Variants in SLCO5A1 observed in about 807,000 individuals in gnomAD.
SLCO5A1 encodes organic anion transporter polypeptide-related protein 4.
In SLCO5A1, 39 loss-of-function variants were observed where a neutral mutation model predicts 65.1. The ratio of observed to expected loss-of-function variants is 0.60; its 90% CI spans 0.46 to 0.78. The LOEUF (loss-of-function observed/expected upper bound fraction) is 0.78, where lower values mean the gene tolerates loss of function less well. Among genes scored for constraint, SLCO5A1 ranks in the 30% least tolerant of loss-of-function variants. The pLI is 0.00. For missense variants in SLCO5A1, 1,029 were observed against 1,069.4 expected (o/e 0.96, Z 0.53); for synonymous variants, 438 against 415.7 (o/e 1.05, Z -0.65).
intron 2 of SLCO5A1, among the ~76,000 whole-genome samples, chr8:69,820,515 C>T (rs1225061073): frequency 6.6e-6 from 1 of 152,012 alleles, no homozygotes; most frequent in Non-Finnish European, 1.5e-5. Context: ...TTGCTCTATA[C>T]AACATTGCAG....
chr8:69,708,688 G>A (rs1426419172), intron 5 of SLCO5A1, among the ~76,000 whole-genome samples: 2 of 152,128 alleles, frequency 1.3e-5, no homozygotes, highest in African/African-American at 2.4e-5. Flanking sequence ...CAGATCATTT[G>A]AGGTCAGGAG....
At chr8:69,779,124 A>C (rs559487936) in intron 2 of SLCO5A1, among the ~76,000 whole-genome samples, 38 of 152,330 alleles carry the variant, frequency 2.5e-4, no homozygotes, top group African/African-American at 9.1e-4. Context: ...GACCCTTTAT[A>C]TAAAAAGTTT....
chr8:69,792,809 C>G (rs1428045376), intron 2 of SLCO5A1, among the ~76,000 whole-genome samples: 1 of 151,796 alleles, frequency 6.6e-6, no homozygotes, highest in Non-Finnish European at 1.5e-5. Flanking sequence ...TAGATGAAAG[C>G]TAATGGAAAT....
chr8:69,686,115 T>A (rs1293100023), intron 6 of SLCO5A1, among the ~76,000 whole-genome samples: 1 of 152,080 alleles, frequency 6.6e-6, no homozygotes, highest in Non-Finnish European at 1.5e-5. Flanking sequence ...GTCCCCTAAC[T>A]TTTTTAAGGG....
chr8:69,814,627 CG>C (rs1185563871), intron 2 of SLCO5A1, among the ~76,000 whole-genome samples: 3 of 152,086 alleles, frequency 2.0e-5, no homozygotes, highest in Admixed American at 6.6e-5. Context: ...ATAGAATTAC[CG>C]TATGATCCAG....
intron 6 of SLCO5A1, among the ~76,000 whole-genome samples, chr8:69,691,975 G>A (rs760921379): frequency 1.6e-4 from 25 of 152,160 alleles, no homozygotes; most frequent in African/African-American, 2.9e-4. Context: ...AAGGCCGGAC[G>A]CGGTGGCTCA....
intron 5 of SLCO5A1, among the ~76,000 whole-genome samples, chr8:69,721,467 G>A (rs138134787): frequency 1.5e-4 from 23 of 152,280 alleles, no homozygotes; most frequent in East Asian, 5.8e-4. Context: ...GATTCACCTC[G>A]AATCATTGGC....
At chr8:69,804,369 A>G (rs193117354) in intron 2 of SLCO5A1, among the ~76,000 whole-genome samples, 1 of 152,292 alleles carries the variant, frequency 6.6e-6, no homozygotes, top group East Asian at 1.9e-4. Flanking sequence ...GCTGTAGTAC[A>G]GTGGCACAAT....
intron 2 of SLCO5A1, among the ~76,000 whole-genome samples, chr8:69,823,388 A>G (rs951441791): frequency 1.3e-5 from 2 of 152,244 alleles, no homozygotes; most frequent in African/African-American, 4.8e-5. Flanking sequence ...TCTCACGTGC[A>G]GAGACAGACA....
chr8:69,806,138 C>T (rs1819979580), intron 2 of SLCO5A1, among the ~76,000 whole-genome samples: 3 of 152,174 alleles, frequency 2.0e-5, no homozygotes, highest in Admixed American at 2.0e-4. Flanking sequence ...TTATGATGTT[C>T]ACACATGTGT....
chr8:69,681,460 G>T (rs1019593413), intron 7 of SLCO5A1, among the ~76,000 whole-genome samples: 1 of 152,126 alleles, frequency 6.6e-6, no homozygotes, highest in Non-Finnish European at 1.5e-5. Flanking sequence ...AGGCATGGTG[G>T]CACATGCCTA....
At chr8:69,768,390 A>G (rs1818170058) in intron 2 of SLCO5A1, among the ~76,000 whole-genome samples, 1 of 152,206 alleles carries the variant, frequency 6.6e-6, no homozygotes, top group African/African-American at 2.4e-5. Flanking sequence ...CAGGTTACAC[A>G]TCAAAGGAAT....
chr8:69,678,706 C>A (rs1813644527), intron 8 of SLCO5A1, among the ~76,000 whole-genome samples: 2 of 149,466 alleles, frequency 1.3e-5, no homozygotes, highest in Non-Finnish European at 1.5e-5. Flanking sequence ...ACACCAGTGC[C>A]AACATTTTTA....
chr8:69,798,800 G>A (rs1819611789), intron 2 of SLCO5A1, among the ~76,000 whole-genome samples: 1 of 152,206 alleles, frequency 6.6e-6, no homozygotes, highest in African/African-American at 2.4e-5. Flanking sequence ...AGTTTCCAAA[G>A]AGGAAGCTGA....
intron 6 of SLCO5A1, among the ~76,000 whole-genome samples, chr8:69,683,050 G>C (rs573955512): frequency 3.3e-5 from 5 of 152,102 alleles, no homozygotes; most frequent in Non-Finnish European, 7.4e-5. Context: ...CTGATACAAA[G>C]AAATGATACC....
rs1410750274 is a variant in SLCO5A1, at chr8:69,672,847, T to C, written c.*22A>G. The stretch of plus-strand genomic sequence containing the variant: ...CCATTTTCAATTCAACCAACAAAAC[T>C]AAATTCTTCCATTTTCAAGCTTCAG... On this transcript the variant is annotated 3_prime_UTR_variant, in exon 10 of 10. Transcript: ENST00000260126. The C allele has an allele frequency of 1.3e-5, 20 of 1,578,030 alleles. No homozygotes were observed. Among genetic ancestry groups the C allele is most frequent in the Non-Finnish European group, 1.7e-5 (20 of 1,164,200 alleles).
chr8:69,717,562 G>A (rs1481359195), intron 5 of SLCO5A1, among the ~76,000 whole-genome samples: 2 of 152,106 alleles, frequency 1.3e-5, no homozygotes, highest in African/African-American at 4.8e-5. Flanking sequence ...TGTCAAGATT[G>A]TTTTGGCTAT....
chr8:69,687,147 T>A (rs1814036490), intron 6 of SLCO5A1, among the ~76,000 whole-genome samples: 1 of 152,146 alleles, frequency 6.6e-6, no homozygotes, highest in Non-Finnish European at 1.5e-5. Context: ...TCAAAAAGGA[T>A]AAAATAGCTT....
intron 2 of SLCO5A1, among the ~76,000 whole-genome samples, chr8:69,786,402 T>A (rs530054701): frequency 3.3e-5 from 5 of 152,300 alleles, no homozygotes; most frequent in Admixed American, 3.3e-4. Context: ...TAGGCAAATA[T>A]GCTGAGGGAC....
Sources: allele counts gnomAD v4.1 joint callset (sites outside exome capture counted in the v4.1 genomes callset), GRCh38; gene constraint gnomAD v4.1.1; transcripts MANE v1.5; gene names NCBI Gene and HGNC (gene_info 2026-07-23, HGNC 2026-07-21).